The following RUSC2 variants were observed in gnomAD, a reference collection of about 807,000 sequenced individuals.
RUSC2 encodes RUN and SH3 domain containing 2.
Under a neutral mutation model 122.2 loss-of-function variants are expected in RUSC2, and 34 were observed. That is an observed-to-expected ratio of 0.28 (90% CI 0.21 to 0.37). The LOEUF is 0.37. Ranked by LOEUF, RUSC2 falls within the 10% of genes least tolerant of loss-of-function variation. The pLI is 1.00. For synonymous variants in RUSC2, 784 were observed against 790.0 expected, an observed-to-expected ratio of 0.99 and a Z score of 0.13; for missense variants, 1,747 against 1,952.4, an observed-to-expected ratio of 0.89 and a Z score of 1.98.
Position 35,560,412 on chromosome 9 carries a change from G to A in RUSC2, c.3772G>A (p.Gly1258Arg), listed in dbSNP as rs777238626. 1.9e-6 allele frequency: 3 copies of A among 1,614,142 alleles called. No individual in the cohort carries two copies. The highest frequency in any genetic ancestry group is 2.5e-6 in the Non-Finnish European group (3 of 1,180,010). ...EEVAEAAGGSGRARWARGGQA... is the reference protein window; with the variant it reads ...EEVAEAAGGSRRARWARGGQA... ...GGTGGCAGAGGCAGCCGGGGGCTCAGGGCGTGCCAGGTGGGCCCGAGGTGG... is the reference window on the plus strand; with the variant it reads ...GGTGGCAGAGGCAGCCGGGGGCTCAAGGCGTGCCAGGTGGGCCCGAGGTGG... Residue 1258 changes from glycine to arginine, a missense_variant, in exon 10 of 12, where the codon GGG (glycine) becomes AGG (arginine). By Grantham distance (125) the Gly-to-Arg change is moderately radical. Transcript: ENST00000361226.
In RUSC2 at chr9:35,540,010, G is replaced by A. The variant is rs541171272; in HGVS notation, c.-92-6420G>A. Among the ~76,000 whole-genome samples the A allele has an allele frequency of 2.6e-5, 4 of 152,316 alleles. No homozygotes were observed. The South Asian group carries it at 8.3e-4, about 32-fold the overall frequency. On this transcript the variant is annotated intron_variant, in intron 1 of 11. Coordinates refer to ENST00000361226, the MANE Select transcript of RUSC2 (RefSeq NM_014806.5). ...CTATGACTGGCAGAAAGACACTGAT[G>A]ACCAAAGCTAGAGGAAACCTTCTTT...
At chr9:35,512,901 G>A (rs1440620892) in intron 1 of RUSC2, among the ~76,000 whole-genome samples, 1 of 151,992 alleles carries the variant, frequency 6.6e-6, no homozygotes, top group Non-Finnish European at 1.5e-5. Flanking sequence ...TTAACCTTAT[G>A]AAATGGGCAT....
chr9:35,495,646 G>T (rs1299380216), intron 1 of RUSC2, among the ~76,000 whole-genome samples: 1 of 152,024 alleles, frequency 6.6e-6, no homozygotes, highest in Non-Finnish European at 1.5e-5. Flanking sequence ...TGTTTTGGTT[G>T]TTCAGGATCC....
chr9:35,535,469 C>T (rs1194454156), intron 1 of RUSC2, among the ~76,000 whole-genome samples: 1 of 145,132 alleles, frequency 6.9e-6, no homozygotes, highest in African/African-American at 2.5e-5. Flanking sequence ...AAACAGTCTT[C>T]TCTTTCAAGC....
intron 1 of RUSC2, among the ~76,000 whole-genome samples, chr9:35,510,603 A>G (rs1236277737): frequency 6.6e-6 from 1 of 152,188 alleles, no homozygotes; most frequent in Non-Finnish European, 1.5e-5. Flanking sequence ...TCTTTCACAC[A>G]CTACAGTGTC....
intron 1 of RUSC2, among the ~76,000 whole-genome samples, chr9:35,504,021 C>T (rs188924266): frequency 1.1e-4 from 17 of 152,194 alleles, no homozygotes; most frequent in South Asian, 2.1e-4. Context: ...GTGATCTGCC[C>T]GCCTCGGCCT....
Position 35,548,490 on chromosome 9 carries a change from C to G in RUSC2, c.1969C>G (p.Pro657Ala). 6.2e-7 allele frequency: 1 copy of G among 1,613,662 alleles called. No individual in the cohort carries two copies. Among genetic ancestry groups the G allele is most frequent in the Non-Finnish European group, 8.5e-7 (1 of 1,179,980 alleles). Reference sequence around the variant, plus strand: ...TCCAGGGCCTGCTCTCCCAGGGAGCCCAGCCAACAGCCATACCCAGAGGGA... The same window carrying G: ...TCCAGGGCCTGCTCTCCCAGGGAGCGCAGCCAACAGCCATACCCAGAGGGA... ...MDPGPALPGS[P>A]ANSHTQRDAR... Residue 657 changes from proline to alanine, a missense_variant, in exon 2 of 12, where the codon CCA becomes GCA. By Grantham distance (27) the Pro-to-Ala change is conservative. Transcript: ENST00000361226. This position sits in a 1 kb window ranked among gnomAD's most constrained non-coding sequence, Gnocchi z 4.5.
At chr9:35,533,678 G>T (rs567301853) in intron 1 of RUSC2, among the ~76,000 whole-genome samples, 1 of 152,272 alleles carries the variant, frequency 6.6e-6, no homozygotes, top group South Asian at 2.1e-4. Flanking sequence ...TGTCTCTATA[G>T]ATTTGCCTTG....
chr9:35,506,927 G>A (rs1820927129), intron 1 of RUSC2, among the ~76,000 whole-genome samples: 1 of 152,136 alleles, frequency 6.6e-6, no homozygotes, highest in South Asian at 2.1e-4. Flanking sequence ...ACTAGCCTGA[G>A]CAACATAGTG....
At chr9:35,510,019 A>G (rs191862762) in intron 1 of RUSC2, among the ~76,000 whole-genome samples, 31 of 152,322 alleles carry the variant, frequency 2.0e-4, no homozygotes, top group African/African-American at 7.2e-4. Context: ...TGCTGAAAAG[A>G]GCAAATCAGG....
intron 1 of RUSC2, among the ~76,000 whole-genome samples, chr9:35,519,161 C>T (rs1232057836): frequency 1.3e-5 from 2 of 152,204 alleles, no homozygotes; most frequent in Non-Finnish European, 2.9e-5. Flanking sequence ...AACTTAGTAA[C>T]CTGGAGAAGC....
chr9:35,525,623 AC>A (rs1209517075), intron 1 of RUSC2, among the ~76,000 whole-genome samples: 2 of 151,656 alleles, frequency 1.3e-5, no homozygotes, highest in Non-Finnish European at 2.9e-5. Flanking sequence ...ACACGGCAAA[AC>A]CCCGTCTCTA....
rs1587868800 is a variant in RUSC2 at position 35,555,703 on chromosome 9, T to G, written c.2656+2T>G. The G allele has an allele frequency of 1.3e-6, 2 of 1,580,522 alleles. No individual in the cohort carries two copies. Among genetic ancestry groups the G allele is most frequent in the Non-Finnish European group, 1.7e-6 (2 of 1,174,792 alleles). On this transcript the variant is annotated splice_donor_variant, in intron 3 of 11. Coordinates refer to ENST00000361226, the MANE Select transcript of RUSC2 (RefSeq NM_014806.5). LOFTEE classifies it high-confidence loss of function. The surrounding 1 kb of genome is among the most constrained non-coding windows in gnomAD (Gnocchi z 4.6). The stretch of plus-strand genomic sequence containing the variant: ...GCATGGCCACCAGGCCCAGTAATGG[T>G]ACGAGCTCCAGCATCTCCCTACCCA...
At position 35,516,022 on chromosome 9, in the gene RUSC2, A is replaced by G. The variant is rs12351066; in HGVS notation, c.-93+25850A>G. 1.6e-3 allele frequency among the ~76,000 whole-genome samples: 207 copies of G among 127,124 alleles called. 4 individuals carry two copies. The highest frequency in any genetic ancestry group is 4.9e-3 in the South Asian group (19 of 3,912). 83.4% of individuals were successfully genotyped at this position (127,124 alleles called of 152,430 possible). A position where few individuals can be genotyped will look rare whatever the true frequency, so the allele number is the denominator to read the frequency against. ...CTCAAAAAAAAAAAAAAAAAAAAAAAAGAGAAATGCGCTTATGACAAACAT... is the reference window on the plus strand; with the variant it reads ...CTCAAAAAAAAAAAAAAAAAAAAAAGAGAGAAATGCGCTTATGACAAACAT... On this transcript the variant is annotated intron_variant, in intron 1 of 11. Transcript: ENST00000361226.
chr9:35,525,139 T>G (rs1316505280), intron 1 of RUSC2, among the ~76,000 whole-genome samples: 3 of 152,170 alleles, frequency 2.0e-5, no homozygotes, highest in Admixed American at 6.5e-5. Context: ...CCCAGAGAAT[T>G]TGACATTCTT....
intron 1 of RUSC2, among the ~76,000 whole-genome samples, chr9:35,508,852 G>C (rs1820963287): frequency 6.6e-6 from 1 of 152,106 alleles, no homozygotes; most frequent in South Asian, 2.1e-4. Flanking sequence ...AAAAGGAAAA[G>C]ACAGAAAGAA....
chr9:35,534,459 A>AC (rs1821484408), intron 1 of RUSC2, among the ~76,000 whole-genome samples: 2 of 103,518 alleles, frequency 1.9e-5, no homozygotes, highest in African/African-American at 3.5e-5. Flanking sequence ...CACACACACA[A>AC]TCCTTTGCTC....
intron 1 of RUSC2, among the ~76,000 whole-genome samples, chr9:35,517,864 TTC>T (rs1436171282): frequency 6.6e-6 from 1 of 152,200 alleles, no homozygotes; most frequent in East Asian, 1.9e-4. Flanking sequence ...ATTTCCCTTA[TTC>T]TTTTTATTTT....
intron 1 of RUSC2, among the ~76,000 whole-genome samples, chr9:35,517,983 C>T (rs566506265): frequency 6.6e-6 from 1 of 152,276 alleles, no homozygotes; most frequent in African/African-American, 2.4e-5. Context: ...CCAGATGACC[C>T]AGCAAGTTGG....
Sources: gnomAD v4.1 joint callset for allele counts (sites outside exome capture counted in the v4.1 genomes callset) on GRCh38, gnomAD v4.1.1 for gene constraint, Gnocchi (gnomAD v3.1) non-coding constraint, MANE v1.5 for transcripts, NCBI Gene and HGNC (gene_info 2026-07-23, HGNC 2026-07-21) for gene names.